Variants in SEMA3A observed in about 807,000 individuals in gnomAD.
SEMA3A encodes the protein semaphorin-3A.
A neutral mutation model predicts 97.9 loss-of-function variants in SEMA3A; 29 were observed. That is an observed-to-expected ratio of 0.30 (90% confidence interval 0.22 to 0.40). The LOEUF (loss-of-function observed/expected upper bound fraction) is 0.40, where lower values mean the gene tolerates loss of function less well. Ranked by LOEUF, SEMA3A falls within the 10% of genes least tolerant of loss-of-function variation. The pLI, the probability that SEMA3A is intolerant of heterozygous loss-of-function variation, is 1.00. For missense variants in SEMA3A, 763 were observed against 951.3 expected, an observed-to-expected ratio of 0.80 and a Z score of 2.60; for synonymous variants, 321 against 323.7, an observed-to-expected ratio of 0.99 and a Z score of 0.09.
At chr7:84,348,695 T>C (rs1802364170) in intron 2 of SEMA3A, among the ~76,000 whole-genome samples, 1 of 152,140 alleles carries the variant, frequency 6.6e-6, no homozygotes, top group Non-Finnish European at 1.5e-5. Context: ...ATAAACGTTC[T>C]GTATTTTGGC....
chr7:84,158,439 A>G (rs2116154246), intron 1 of SEMA3A, among the ~76,000 whole-genome samples: 1 of 152,282 alleles, frequency 6.6e-6, no homozygotes, highest in Non-Finnish European at 1.5e-5. Context: ...GGCGTGAGCC[A>G]CCACACCTGG....
intron 2 of SEMA3A, among the ~76,000 whole-genome samples, chr7:84,314,580 T>G (rs1478712580): frequency 1.3e-5 from 2 of 152,176 alleles, no homozygotes; most frequent in African/African-American, 4.8e-5. Context: ...AGACATATAA[T>G]GTGTGCAATA....
Position 83,961,752 on chromosome 7 carries a change from G to C in SEMA3A, c.1935C>G (p.Gly645=). ...GTTCCACCGCATGGCAGAGGTAATT[G>C]CCTGAATCCTTCTGTTGTAGACTAC... ...LLRSLQQKDS[G]NYLCHAVEHG... The change falls in exon 17 of 17, where the codon GGC becomes GGG. Residue 645 remains glycine (G), a synonymous_variant. Transcript: ENST00000265362. 6 of 1,613,932 alleles carry C rather than the reference G, an allele frequency of 3.7e-6. No homozygotes were observed. The highest frequency in any genetic ancestry group is 5.1e-6 in the Non-Finnish European group (6 of 1,179,884).
At chr7:83,973,006 C>G (rs1788979205) in intron 15 of SEMA3A, among the ~76,000 whole-genome samples, 2 of 152,138 alleles carry the variant, frequency 1.3e-5, no homozygotes, top group South Asian at 4.1e-4. Flanking sequence ...ACTTTAATAT[C>G]TCTGATATCA....
chr7:84,020,002 A>T (rs1791261674), intron 6 of SEMA3A, among the ~76,000 whole-genome samples: 1 of 113,864 alleles, frequency 8.8e-6, no homozygotes, highest in Non-Finnish European at 1.9e-5. Context: ...TGTTTCTTTC[A>T]CTATTTCAAT....
intron 1 of SEMA3A, among the ~76,000 whole-genome samples, chr7:84,138,331 T>C (rs1348603355): frequency 2.6e-5 from 4 of 152,294 alleles, no homozygotes; most frequent in South Asian, 2.1e-4. Flanking sequence ...TTTACACTAA[T>C]ATTAAATGTA....
chr7:84,492,220 G>C (rs1228937), intron 1 of SEMA3A, among the ~76,000 whole-genome samples: 36,342 of 152,008 alleles, frequency 0.24, 4,808 homozygotes, highest in African/African-American at 0.35. Flanking sequence ...TGAATTAACA[G>C]TATTATTAGC....
At chr7:84,018,063 ATAGATTTATTATCAACAACTGTTT>A (rs1214108622) in intron 6 of SEMA3A, among the ~76,000 whole-genome samples, 2 of 152,324 alleles carry the variant, frequency 1.3e-5, no homozygotes, top group East Asian at 3.9e-4. Flanking sequence ...TAAGATCACT[ATAGATTTATTATCAACAACTGTTT>A]TAAAGCACCC....
At chr7:84,148,064 C>A (rs2116102175) in intron 1 of SEMA3A, among the ~76,000 whole-genome samples, 1 of 151,388 alleles carries the variant, frequency 6.6e-6, no homozygotes, top group African/African-American at 2.4e-5. Context: ...CATGAGCCAC[C>A]ATGCCTGGTT....
intron 6 of SEMA3A, among the ~76,000 whole-genome samples, chr7:84,041,164 C>T (rs1792121204): frequency 6.6e-6 from 1 of 151,904 alleles, no homozygotes; most frequent in African/African-American, 2.4e-5. Flanking sequence ...TATTCCAAAG[C>T]TTTATTCATA....
At chr7:84,051,676 T>C (rs1792661851) in intron 5 of SEMA3A, among the ~76,000 whole-genome samples, 2 of 152,166 alleles carry the variant, frequency 1.3e-5, no homozygotes, top group Non-Finnish European at 2.9e-5. Flanking sequence ...TTTGACTTCC[T>C]CTTTTCCTAA....
At chr7:84,362,894 T>C (rs549458524) in intron 2 of SEMA3A, among the ~76,000 whole-genome samples, 1 of 152,014 alleles carries the variant, frequency 6.6e-6, no homozygotes, top group Non-Finnish European at 1.5e-5. Flanking sequence ...AGCCCTGCTC[T>C]ATGTCTGCAA....
In SEMA3A at chr7:84,014,212, G is replaced by A. The variant is rs1301029976; in HGVS notation, c.807C>T (p.Cys269=). ...KATHARIGQI[C]KNDFGGHRSL... ...AGTTTTTTTTTCTTTACCTCACCTT[G>A]CATATCTGACCTATTCTAGCGTGAG... is the stretch of plus-strand genomic sequence containing the variant. Residue 269 remains cysteine, a synonymous_variant, in exon 7 of 17, where the codon TGC becomes TGT. Transcript: ENST00000265362. 6 of 1,598,632 alleles carry A rather than the reference G, an allele frequency of 3.8e-6. No individual in the cohort carries two copies. The East Asian group carries it at 1.4e-4, about 36-fold the overall frequency.
intron 2 of SEMA3A, among the ~76,000 whole-genome samples, chr7:84,358,074 C>T (rs950011972): frequency 1.3e-5 from 2 of 152,132 alleles, no homozygotes; most frequent in African/African-American, 4.8e-5. Context: ...ACTTTTCTCC[C>T]ATTCTGTAGG....
At chr7:83,990,540 T>C (rs1185253995) in intron 12 of SEMA3A, among the ~76,000 whole-genome samples, 1 of 140,508 alleles carries the variant, frequency 7.1e-6, no homozygotes, top group Non-Finnish European at 1.5e-5. Flanking sequence ...TACATATGGC[T>C]AGCCAGTTTT....
chr7:84,181,327 TA>T (rs933038586), intron 1 of SEMA3A, among the ~76,000 whole-genome samples: 1 of 148,166 alleles, frequency 6.7e-6, no homozygotes, highest in Non-Finnish European at 1.5e-5. Context: ...CAAATATATA[TA>T]TATATATATA....
At chr7:84,127,299 T>G (rs1795828820) in intron 3 of SEMA3A, among the ~76,000 whole-genome samples, 1 of 152,044 alleles carries the variant, frequency 6.6e-6, no homozygotes, top group Non-Finnish European at 1.5e-5. Context: ...CAATATCTTA[T>G]CACCCTGGCT....
At chr7:84,351,916 C>T (rs139171982) in intron 2 of SEMA3A, among the ~76,000 whole-genome samples, 247 of 152,086 alleles carry the variant, frequency 1.6e-3, no homozygotes, top group African/African-American at 5.7e-3. Flanking sequence ...GGGATATCTG[C>T]ATTCCCATGT....
chr7:84,345,205 C>CA (rs1258669871), intron 2 of SEMA3A, among the ~76,000 whole-genome samples: 1 of 151,732 alleles, frequency 6.6e-6, no homozygotes, highest in Admixed American at 6.6e-5. Flanking sequence ...GCATTATGTC[C>CA]AAAAAAATGA....
Sources: allele counts gnomAD v4.1 joint callset (sites outside exome capture counted in the v4.1 genomes callset), GRCh38; gene constraint gnomAD v4.1.1; transcripts MANE v1.5; gene names NCBI Gene and HGNC (gene_info 2026-07-23, HGNC 2026-07-21).